GLRA2: variants seen among roughly 807,000 people sequenced by gnomAD.
GLRA2 encodes glycine receptor alpha 2, also known as glycine receptor subunit alpha-2.
GLRA2 carries 11 observed loss-of-function variants against 31.6 expected under a neutral mutation model. The observed-to-expected ratio is 0.35, with a 90% CI of 0.22 to 0.58. The LOEUF (loss-of-function observed/expected upper bound fraction) is 0.58, where lower values mean the gene tolerates loss of function less well. Ranked by LOEUF, GLRA2 falls within the 20% of genes least tolerant of loss-of-function variation. The pLI, the probability that GLRA2 is intolerant of heterozygous loss-of-function variation, is 0.84. For missense variants in GLRA2, 212 were observed against 351.8 expected (o/e 0.60, Z 3.18); for synonymous variants, 132 against 134.0 (o/e 0.99, Z 0.10).
chrX:14,549,693 C>T (rs754146635), intron 2 of GLRA2, among the ~76,000 whole-genome samples: 8 of 111,898 alleles, frequency 7.1e-5, no homozygotes, highest in Non-Finnish European at 1.5e-4. Flanking sequence ...CAGGGACACA[C>T]GAGGATATCT....
chrX:14,677,296 A>G (rs1324109744), intron 7 of GLRA2, among the ~76,000 whole-genome samples: 1 of 111,487 alleles, frequency 9.0e-6, no homozygotes, highest in Non-Finnish European at 1.9e-5. Flanking sequence ...ACAGTCAACA[A>G]AAACTTACAG....
At chrX:14,493,597 A>ACATATACACT in the GLRA2 span, among the ~76,000 whole-genome samples, 1 of 103,471 alleles carries the variant, frequency 9.7e-6, no homozygotes, top group African/African-American at 3.6e-5. Flanking sequence ...ACATATATAC[A>ACATATACACT]TATATACACA....
chrX:14,632,871 GATA>G (rs2090666817), intron 7 of GLRA2, among the ~76,000 whole-genome samples: 1 of 111,639 alleles, frequency 9.0e-6, no homozygotes, highest in East Asian at 2.8e-4. Context: ...AGGTCAAAAA[GATA>G]ATAAGATAGT....
chrX:14,616,625 G>A (rs1001474858), intron 7 of GLRA2, among the ~76,000 whole-genome samples: 5 of 111,708 alleles, frequency 4.5e-5, no homozygotes, highest in African/African-American at 1.6e-4. Context: ...AGAGAACTAC[G>A]AAAACAGTAA....
At chrX:14,642,800 G>A (rs982388207) in intron 7 of GLRA2, among the ~76,000 whole-genome samples, 1 of 110,833 alleles carries the variant, frequency 9.0e-6, no homozygotes, top group African/African-American at 3.3e-5. Flanking sequence ...ATCAGGTATG[G>A]TAGGCAGATT....
At chrX:14,616,881 G>C (rs1368542792) in intron 7 of GLRA2, among the ~76,000 whole-genome samples, 1 of 111,950 alleles carries the variant, frequency 8.9e-6, no homozygotes, top group East Asian at 2.9e-4. Flanking sequence ...GCTTTAGCCA[G>C]ATGTCTGCAT....
the GLRA2 span, among the ~76,000 whole-genome samples, chrX:14,491,935 T>A: frequency 8.9e-6 from 1 of 111,835 alleles, no homozygotes; most frequent in Admixed American, 9.5e-5. Context: ...TTGTGCACTT[T>A]ACAGAAGTAT....
chrX:14,609,107 A>G lies in GLRA2; in HGVS notation c.832A>G (p.Ile278Val). Residue 278 changes from isoleucine (I) to valine (V), a missense_variant, in exon 7 of 9, where the codon ATA becomes GTA. Ile to Val is a conservative substitution (Grantham distance 29). Coordinates refer to ENST00000218075, the MANE Select transcript of GLRA2 (RefSeq NM_002063.4). ...IVILSWVSFW[I>V]NMDAAPARVA... Reference sequence around the variant, plus strand: ...AATTTTGTCCTGGGTTTCCTTTTGGATAAATATGGATGCAGCCCCTGCCAG... The same window carrying G: ...AATTTTGTCCTGGGTTTCCTTTTGGGTAAATATGGATGCAGCCCCTGCCAG... The G allele has an allele frequency of 8.4e-7, 1 of 1,194,771 alleles. No homozygotes were observed. Among genetic ancestry groups the G allele is most frequent in the African/African-American group, 1.7e-5 (1 of 57,270 alleles).
intron 4 of GLRA2, among the ~76,000 whole-genome samples, chrX:14,603,209 C>A (rs980560793): frequency 9.1e-6 from 1 of 109,932 alleles, no homozygotes; most frequent in Non-Finnish European, 1.9e-5. Context: ...TCTTTTTTGG[C>A]CATTTGTATA....
the GLRA2 span, among the ~76,000 whole-genome samples, chrX:14,482,297 A>C: frequency 8.9e-6 from 1 of 112,104 alleles, no homozygotes; most frequent in African/African-American, 3.2e-5. Context: ...TTTAGTATGC[A>C]TAATGAATTA....
chrX:14,671,208 G>GA (rs1472787658), intron 7 of GLRA2, among the ~76,000 whole-genome samples: 1 of 111,413 alleles, frequency 9.0e-6, no homozygotes, highest in Non-Finnish European at 1.9e-5. Flanking sequence ...TTGCTAGTAA[G>GA]AAAAAAATTT....
intron 8 of GLRA2, among the ~76,000 whole-genome samples, chrX:14,729,232 C>A (rs2091963076): frequency 1.8e-5 from 2 of 111,791 alleles, no homozygotes; most frequent in African/African-American, 3.3e-5. Flanking sequence ...GAGTTTAGTG[C>A]CTCTGGTGAC....
intron 2 of GLRA2, among the ~76,000 whole-genome samples, chrX:14,532,933 AT>A (rs2089277061): frequency 1.8e-5 from 2 of 111,891 alleles, no homozygotes; most frequent in Admixed American, 1.9e-4. Context: ...AGATCACAGA[AT>A]TTTAAAGTGC....
intron 8 of GLRA2, among the ~76,000 whole-genome samples, chrX:14,720,476 C>A (rs1377730419): frequency 9.0e-6 from 1 of 111,466 alleles, no homozygotes; most frequent in Admixed American, 9.5e-5. Context: ...ACTCAACAGA[C>A]AATATGGAGA....
rs184721054 is a variant in GLRA2, at chrX:14,592,188, G to A, written c.494+10782G>A. 8.1e-5 allele frequency among the ~76,000 whole-genome samples: 9 copies of A among 111,665 alleles called. 1 individual carries two copies. The highest frequency in any genetic ancestry group is 2.9e-4 in the African/African-American group (9 of 30,740). On this transcript the variant is annotated intron_variant, in intron 4 of 8. Coordinates refer to ENST00000218075, the MANE Select transcript of GLRA2 (RefSeq NM_002063.4). ...ACTTTCCTGATGAGTAAATAAGAGTGCATTCTTCATGTCCCTTAGGGCTTG... is the reference window on the plus strand; with the variant it reads ...ACTTTCCTGATGAGTAAATAAGAGTACATTCTTCATGTCCCTTAGGGCTTG...
the GLRA2 span, among the ~76,000 whole-genome samples, chrX:14,517,874 G>T: frequency 1.8e-5 from 2 of 111,131 alleles, no homozygotes; most frequent in East Asian, 2.8e-4. Flanking sequence ...TATTTATAAA[G>T]TTTATAAATT....
the GLRA2 span, among the ~76,000 whole-genome samples, chrX:14,464,450 A>G: frequency 6.2e-5 from 7 of 112,137 alleles, no homozygotes; most frequent in East Asian, 2.0e-3. Flanking sequence ...CCTTTCCCCA[A>G]TGAATATTCT....
upstream of GLRA2, among the ~76,000 whole-genome samples, chrX:14,527,952 T>C (rs1465825541): frequency 8.9e-6 from 1 of 112,583 alleles, no homozygotes; most frequent in Non-Finnish European, 1.9e-5. Context: ...AATTGAATCA[T>C]TTTCTCTAGG....
At chrX:14,583,267 C>T (rs1178401617) in intron 4 of GLRA2, among the ~76,000 whole-genome samples, 1 of 112,221 alleles carries the variant, frequency 8.9e-6, no homozygotes, top group Non-Finnish European at 1.9e-5. Context: ...GGCAATTTCT[C>T]AAACAAAGCA....
Sources: gnomAD v4.1 joint callset for allele counts (sites outside exome capture counted in the v4.1 genomes callset) on GRCh38, gnomAD v4.1.1 for gene constraint, MANE v1.5 for transcripts, NCBI Gene and HGNC (gene_info 2026-07-23, HGNC 2026-07-21) for gene names.